ATP8A2: variants seen among roughly 807,000 people sequenced by gnomAD.
The protein encoded by ATP8A2 is ATPase phospholipid transporting 8A2, also known as phospholipid-transporting ATPase IB.
In ATP8A2, 100 loss-of-function variants were observed where a neutral mutation model predicts 165.6. The ratio of observed to expected loss-of-function variants is 0.60; its 90% CI spans 0.51 to 0.71. The LOEUF is 0.71. Among genes scored for constraint, ATP8A2 ranks in the 30% least tolerant of loss-of-function variants. The pLI is 0.00. For missense variants in ATP8A2, 1,227 were observed against 1,479.5 expected (o/e 0.83, Z 2.80); for synonymous variants, 543 against 548.8 (o/e 0.99, Z 0.15).
intron 35 of ATP8A2, among the ~76,000 whole-genome samples, chr13:26,006,710 T>G (rs182676366): frequency 6.6e-6 from 1 of 152,000 alleles, no homozygotes; most frequent in African/African-American, 2.4e-5. Context: ...TTTTCCACAA[T>G]AAAAATATCA....
chr13:25,900,226 G>C (rs929541522), intron 33 of ATP8A2, among the ~76,000 whole-genome samples: 1 of 152,156 alleles, frequency 6.6e-6, no homozygotes, highest in Non-Finnish European at 1.5e-5. Flanking sequence ...GAATATTTAT[G>C]AGAGGAGAAA....
intron 2 of ATP8A2, 50 bp downstream of exon 2, chr13:25,469,171 G>GA: frequency 6.3e-7 from 1 of 1,597,516 alleles, no homozygotes; most frequent in South Asian, 1.1e-5. Flanking sequence ...TCACAGCTGG[G>GA]AAGGGGCTCG....
In ATP8A2 at chr13:25,579,855, T is replaced by C. The variant is rs200028875; in HGVS notation, c.1915T>C (p.Tyr639His). The C allele has an allele frequency of 2.3e-5, 37 of 1,613,832 alleles. No individual in the cohort carries two copies. Among genetic ancestry groups the C allele is most frequent in the Non-Finnish European group, 3.1e-5 (36 of 1,179,944 alleles). ...VAYADLSENE[Y>H]EEWLKVYQEA... ...TTATGCTGATCTCTCTGAGAATGAG[T>C]ATGAGGAGTGGCTGAAAGTCTATCA... The change falls in exon 22 of 37, where the codon TAT (tyrosine) becomes CAT (histidine). Residue 639 changes from tyrosine (Y) to histidine (H), a missense_variant. By Grantham distance (83) the Tyr-to-His change is moderately conservative. Coordinates refer to ENST00000381655, the MANE Select transcript of ATP8A2 (RefSeq NM_016529.6).
chr13:25,599,894 T>C (rs1187047885), intron 24 of ATP8A2, among the ~76,000 whole-genome samples: 1 of 152,202 alleles, frequency 6.6e-6, no homozygotes, highest in Non-Finnish European at 1.5e-5. Context: ...AAATAATTAA[T>C]GCCAGTTTTT....
At chr13:25,388,459 G>A (rs557329518) in intron 1 of ATP8A2, among the ~76,000 whole-genome samples, 204 of 152,268 alleles carry the variant, frequency 1.3e-3, no homozygotes, top group African/African-American at 4.7e-3. Flanking sequence ...CCTTTTAAGG[G>A]CTCAGGACTC....
chr13:25,973,892 T>C (rs3783141), intron 35 of ATP8A2, among the ~76,000 whole-genome samples: 34,606 of 152,164 alleles, frequency 0.23, 4,841 homozygotes, highest in East Asian at 0.55. Flanking sequence ...CTTTTGCTTT[T>C]GTCCCACCTC....
At chr13:25,539,806 G>A (rs2038411684) in intron 7 of ATP8A2, among the ~76,000 whole-genome samples, 1 of 152,108 alleles carries the variant, frequency 6.6e-6, no homozygotes, top group Non-Finnish European at 1.5e-5. Flanking sequence ...TTAATGCTAG[G>A]TGTTTTGATT....
At chr13:25,860,940 C>A in intron 32 of ATP8A2, 80 bp downstream of exon 32, 1 of 988,336 alleles carries the variant, frequency 1.0e-6, no homozygotes, top group Non-Finnish European at 1.6e-6. Context: ...CTTGGGGAAA[C>A]CATAAGCAAT....
chr13:25,403,217 C>T (rs1413296198), intron 1 of ATP8A2, among the ~76,000 whole-genome samples: 1 of 152,168 alleles, frequency 6.6e-6, no homozygotes, highest in African/African-American at 2.4e-5. Flanking sequence ...ATCTTGGAAG[C>T]AGAGAGCAGC....
At chr13:25,644,720 C>G (rs1388229901) in intron 24 of ATP8A2, among the ~76,000 whole-genome samples, 1 of 152,108 alleles carries the variant, frequency 6.6e-6, no homozygotes, top group East Asian at 1.9e-4. Flanking sequence ...ATTACTGATT[C>G]AATCTCCTCA....
At chr13:25,658,527 T>C (rs1258236019) in intron 24 of ATP8A2, among the ~76,000 whole-genome samples, 1 of 152,002 alleles carries the variant, frequency 6.6e-6, no homozygotes, top group Non-Finnish European at 1.5e-5. Flanking sequence ...TAATCCCAGC[T>C]ACTTGGGAGG....
At chr13:25,649,118 T>A (rs567973667) in intron 24 of ATP8A2, 1 of 454,820 alleles carries the variant, frequency 2.2e-6, no homozygotes, top group South Asian at 1.6e-5. Context: ...GTACTTGAGA[T>A]AACAACCTTT....
intron 1 of ATP8A2, among the ~76,000 whole-genome samples, chr13:25,424,476 G>T (rs1181929389): frequency 6.6e-6 from 1 of 152,190 alleles, no homozygotes; most frequent in Admixed American, 6.5e-5. Flanking sequence ...TACTGCTCAT[G>T]ATCTCTGCAG....
chr13:25,547,433 G>A (rs539146334), intron 10 of ATP8A2, among the ~76,000 whole-genome samples: 5 of 152,038 alleles, frequency 3.3e-5, no homozygotes, highest in Non-Finnish European at 5.9e-5. Context: ...TGTGAACTGC[G>A]CATACAAGGG....
chr13:26,023,124 G>C lies in ATP8A2; in HGVS notation c.*3139G>C, dbSNP rs972166604. The C allele has an allele frequency of 6.6e-6, 1 of 152,250 alleles. No homozygotes were observed. Among genetic ancestry groups the C allele is most frequent in the African/African-American group, 2.4e-5 (1 of 41,444 alleles). 9.4% of individuals were successfully genotyped at this position (152,250 alleles called of 1,614,324 possible). A position where few individuals can be genotyped will look rare whatever the true frequency, so the allele number is the denominator to read the frequency against. On this transcript the variant is annotated 3_prime_UTR_variant, in exon 37 of 37. Coordinates refer to ENST00000381655, the MANE Select transcript of ATP8A2 (RefSeq NM_016529.6). ...GAATACTCTGTGCTGATCAGAACGG[G>C]CTCGGTCATAATTTAGGAGTGGAGC...
At chr13:26,007,257 A>G (rs1011466515) in intron 35 of ATP8A2, among the ~76,000 whole-genome samples, 4 of 152,338 alleles carry the variant, frequency 2.6e-5, no homozygotes, top group South Asian at 2.1e-4. Flanking sequence ...AGTTACAACT[A>G]TTCACAATGG....
In ATP8A2 at chr13:25,839,406, T is replaced by C. The variant is rs577592621; in HGVS notation, c.2878-140T>C. 2.1e-4 allele frequency: 132 copies of C among 627,846 alleles called. 1 individual carries two copies. In the South Asian group the frequency reaches 2.3e-3, roughly 11 times the overall value. The allele number at this position is 627,846 out of a possible 1,614,324, so 38.9% of individuals were successfully genotyped here. Reference sequence around the variant, plus strand: ...TCGATTTGGGTGGGTTTTTTTTTTTTCAAATTCAAGAATAATATGCTACTC... The same window carrying C: ...TCGATTTGGGTGGGTTTTTTTTTTTCCAAATTCAAGAATAATATGCTACTC... On this transcript the variant is annotated intron_variant, in intron 29 of 36. Coordinates refer to ENST00000381655, the MANE Select transcript of ATP8A2 (RefSeq NM_016529.6).
At chr13:25,464,575 T>C (rs1018347450) in intron 1 of ATP8A2, among the ~76,000 whole-genome samples, 45 of 152,122 alleles carry the variant, frequency 3.0e-4, no homozygotes, top group South Asian at 4.1e-4. Flanking sequence ...TCCCTACCAG[T>C]TCCCATGTCA....
chr13:26,018,310 TCTC>T (rs1593724055), intron 36 of ATP8A2, among the ~76,000 whole-genome samples: 1 of 152,308 alleles, frequency 6.6e-6, no homozygotes, highest in South Asian at 2.1e-4. Context: ...TCTTTTAAAG[TCTC>T]CTCCTCTTCT....
Sources: gnomAD v4.1 joint callset for allele counts (sites outside exome capture counted in the v4.1 genomes callset) on GRCh38, gnomAD v4.1.1 for gene constraint, MANE v1.5 for transcripts, NCBI Gene and HGNC (gene_info 2026-07-23, HGNC 2026-07-21) for gene names.